EFCAB6: variants seen among roughly 807,000 people sequenced by gnomAD.
EFCAB6 encodes the protein EF-hand calcium binding domain 6, also known as EF-hand calcium-binding domain-containing protein 6.
A neutral mutation model predicts 169.8 loss-of-function variants in EFCAB6; 156 were observed. The ratio of observed to expected loss-of-function variants is 0.92; its 90% CI spans 0.81 to 1.05. The LOEUF (loss-of-function observed/expected upper bound fraction) is 1.05, where lower values mean the gene tolerates loss of function less well. Ranked by LOEUF, EFCAB6 falls within the 50% of genes least tolerant of loss-of-function variation. The pLI, the probability that EFCAB6 is intolerant of heterozygous loss-of-function variation, is 0.00. For synonymous variants in EFCAB6, 698 were observed against 676.4 expected (o/e 1.03, Z -0.50); for missense variants, 1,800 against 1,829.1 (o/e 0.98, Z 0.29).
intron 20 of EFCAB6, among the ~76,000 whole-genome samples, chr22:43,626,179 G>A (rs928636271): frequency 3.9e-5 from 6 of 152,026 alleles, no homozygotes; most frequent in East Asian, 1.9e-4. Flanking sequence ...TCACACACAC[G>A]TATGTAAGTA....
chr22:43,805,066 T>G (rs2062870090), intron 2 of EFCAB6, among the ~76,000 whole-genome samples: 1 of 152,156 alleles, frequency 6.6e-6, no homozygotes, highest in Non-Finnish European at 1.5e-5. Context: ...CATTTATACA[T>G]ACCAACAGCA....
intron 16 of EFCAB6, among the ~76,000 whole-genome samples, chr22:43,668,418 A>G (rs1371575013): frequency 1.3e-5 from 2 of 152,224 alleles, no homozygotes; most frequent in Non-Finnish European, 1.5e-5. Flanking sequence ...TCAATTTGGA[A>G]ATCAGTTTAA....
chr22:43,731,508 T>C lies in EFCAB6; in HGVS notation c.757+191A>G, dbSNP rs1260899944. On this transcript the variant is annotated intron_variant, in intron 8 of 31. Coordinates refer to ENST00000262726, the MANE Select transcript of EFCAB6 (RefSeq NM_022785.4). ...CTGTAGATTTTACCACATGGCTATA[T>C]TGTGACTCATTTAGCCTTTTCCTAT... Among the ~76,000 whole-genome samples, 6 of 152,224 alleles carry C rather than the reference T, an allele frequency of 3.9e-5. No individual in the cohort carries two copies. The South Asian group carries it at 6.2e-4, about 16-fold the overall frequency.
chr22:43,580,509 C>T lies in EFCAB6; in HGVS notation c.3183G>A (p.Arg1061=). ...FATLNPQEAV[R]KIQEVVESSQ... ...AGGACTCAACTACTTCCTGGATCTT[C>T]CTCACAGCCTCCTGTGGATTCAGCG... Residue 1061 remains arginine (R), a synonymous_variant, in exon 25 of 32, where the codon AGG becomes AGA. Coordinates refer to ENST00000262726, the MANE Select transcript of EFCAB6 (RefSeq NM_022785.4). 6.2e-7 allele frequency: 1 copy of T among 1,614,132 alleles called. No homozygotes were observed. Among genetic ancestry groups the T allele is most frequent in the Non-Finnish European group, 8.5e-7 (1 of 1,180,022 alleles).
intron 17 of EFCAB6, among the ~76,000 whole-genome samples, chr22:43,648,358 C>T (rs556928753): frequency 4.6e-5 from 7 of 152,188 alleles, no homozygotes; most frequent in East Asian, 1.9e-4. Context: ...ACATGCACAC[C>T]GTGGAATACT....
At chr22:43,751,281 C>T (rs1175719671) in intron 6 of EFCAB6, among the ~76,000 whole-genome samples, 1 of 152,182 alleles carries the variant, frequency 6.6e-6, no homozygotes, top group Non-Finnish European at 1.5e-5. Context: ...TTTCTCAGTA[C>T]TTCCCTCAAC....
Position 43,773,068 on chromosome 22 carries a change from C to A in EFCAB6, c.175G>T (p.Asp59Tyr). Residue 59 changes from aspartate to tyrosine, a missense_variant, in exon 4 of 32, where the codon GAT becomes TAT. Physicochemically the swap from Asp to Tyr is radical, Grantham distance 160. Coordinates refer to ENST00000262726, the MANE Select transcript of EFCAB6 (RefSeq NM_022785.4). ...TTTTGAAATAAAATCCGTTTAACATCTAAGGAGGACAGTGTTGGATTTGCA... is the reference window on the plus strand; with the variant it reads ...TTTTGAAATAAAATCCGTTTAACATATAAGGAGGACAGTGTTGGATTTGCA... ...AVANPTLSSL[D>Y]VKRILFQKIT... 3 of 1,614,208 alleles carry A rather than the reference C, an allele frequency of 1.9e-6. No individual in the cohort carries two copies. The highest frequency in any genetic ancestry group is 1.7e-6 in the Non-Finnish European group (2 of 1,180,040).
chr22:43,611,354 C>A (rs572092060), intron 21 of EFCAB6, among the ~76,000 whole-genome samples: 34 of 152,272 alleles, frequency 2.2e-4, no homozygotes, highest in African/African-American at 7.9e-4. Flanking sequence ...AGTGATGACA[C>A]AAACAAATGG....
intron 21 of EFCAB6, among the ~76,000 whole-genome samples, chr22:43,614,353 G>C (rs959948927): frequency 6.6e-5 from 10 of 151,972 alleles, no homozygotes; most frequent in Non-Finnish European, 1.3e-4. Context: ...CCTTGACAAA[G>C]GGGCAAAGGC....
At chr22:43,590,522 G>A (rs1056207715) in intron 23 of EFCAB6, among the ~76,000 whole-genome samples, 5 of 152,054 alleles carry the variant, frequency 3.3e-5, no homozygotes, top group African/African-American at 1.2e-4. Context: ...ACCAAGAATT[G>A]AAAAAGCCAG....
intron 8 of EFCAB6, among the ~76,000 whole-genome samples, chr22:43,725,134 C>CTTTTTTTTT: frequency 1.1e-5 from 1 of 94,694 alleles, no homozygotes; most frequent in Non-Finnish European, 2.0e-5. Flanking sequence ...GCCAAACTGG[C>CTTTTTTTTT]TTTTTTTTTT....
At position 43,758,172 on chromosome 22, in the gene EFCAB6, G is replaced by A. The variant is rs2061025895; in HGVS notation, c.441-2340C>T. On this transcript the variant is annotated intron_variant, in intron 5 of 31. Coordinates refer to ENST00000262726, the MANE Select transcript of EFCAB6 (RefSeq NM_022785.4). The stretch of plus-strand genomic sequence containing the variant: ...TTTTAATCCTTTCTATTTTCAAAAA[G>A]TCAATAACTGGAATTTTTATCCAGT... Among the ~76,000 whole-genome samples the A allele has an allele frequency of 2.0e-5, 3 of 152,002 alleles. No individual in the cohort carries two copies. The South Asian group carries it at 6.2e-4, about 32-fold the overall frequency.
At position 43,589,514 on chromosome 22, in the gene EFCAB6, G is replaced by A. The variant is rs558611358; in HGVS notation, c.3032+560C>T. Among the ~76,000 whole-genome samples the A allele has an allele frequency of 9.9e-5, 15 of 152,240 alleles. No homozygotes were observed. The South Asian group carries it at 1.9e-3, about 19-fold the overall frequency. ...AAATAAAAATTAATGTTGGCTGGGCGCAGTGGCTCACGCCTATAATCCCAG... is the reference window on the plus strand; with the variant it reads ...AAATAAAAATTAATGTTGGCTGGGCACAGTGGCTCACGCCTATAATCCCAG... On this transcript the variant is annotated intron_variant, in intron 24 of 31. Coordinates refer to ENST00000262726, the MANE Select transcript of EFCAB6 (RefSeq NM_022785.4).
intron 21 of EFCAB6, among the ~76,000 whole-genome samples, chr22:43,613,710 C>T (rs183113323): frequency 6.6e-5 from 10 of 152,220 alleles, no homozygotes; most frequent in Non-Finnish European, 1.0e-4. Flanking sequence ...CAAACCGCCA[C>T]GGCATGAATT....
intron 15 of EFCAB6, among the ~76,000 whole-genome samples, chr22:43,671,064 C>A (rs1309308547): frequency 6.6e-6 from 1 of 152,226 alleles, no homozygotes; most frequent in Non-Finnish European, 1.5e-5. Flanking sequence ...TCAACCCAGG[C>A]AGCCCAGCTG....
chr22:43,666,641 A>G (rs1409287378), intron 17 of EFCAB6, among the ~76,000 whole-genome samples: 1 of 151,188 alleles, frequency 6.6e-6, no homozygotes, highest in Non-Finnish European at 1.5e-5. Flanking sequence ...CAGTTCCCAT[A>G]AGCACATGCA....
At position 43,636,614 on chromosome 22, in the gene EFCAB6, T is replaced by C. The variant is rs868213118; in HGVS notation, c.1984-1398A>G. ...GGTTCAAACCCAGTTCTTTTCTTTT[T>C]TTTTTTTTTTTTTTGAGACAGAGTC... On this transcript the variant is annotated intron_variant, in intron 17 of 31. Transcript: ENST00000262726. 2.8e-3 allele frequency among the ~76,000 whole-genome samples: 410 copies of C among 147,194 alleles called. 1 individual carries two copies. Among genetic ancestry groups the C allele is most frequent in the African/African-American group, 9.7e-3 (378 of 39,098 alleles).
chr22:43,552,502 T>A (rs2147050150), intron 27 of EFCAB6: 1 of 152,368 alleles, frequency 6.6e-6, no homozygotes, highest in South Asian at 2.1e-4. Flanking sequence ...GTAGCCATTC[T>A]GACTGGCGTG....
At chr22:43,687,054 C>A (rs2058222954) in intron 11 of EFCAB6, among the ~76,000 whole-genome samples, 1 of 152,174 alleles carries the variant, frequency 6.6e-6, no homozygotes, top group Non-Finnish European at 1.5e-5. Context: ...GAAAACAAAT[C>A]AACATATATT....
Sources: allele counts gnomAD v4.1 joint callset (sites outside exome capture counted in the v4.1 genomes callset), GRCh38; gene constraint gnomAD v4.1.1; transcripts MANE v1.5; gene names NCBI Gene and HGNC (gene_info 2026-07-23, HGNC 2026-07-21).